FBXL20: variants seen among roughly 807,000 people sequenced by gnomAD.
FBXL20 encodes F-box and leucine rich repeat protein 20, also known as F-box/LRR-repeat protein 20.
FBXL20 carries 11 observed loss-of-function variants against 64.0 expected under a neutral mutation model. That is an observed-to-expected ratio of 0.17 (90% CI 0.11 to 0.28). The LOEUF (loss-of-function observed/expected upper bound fraction) is 0.28, where lower values mean the gene tolerates loss of function less well. Ranked by LOEUF, FBXL20 falls within the 10% of genes least tolerant of loss-of-function variation. FBXL20 has a pLI of 1.00. For missense variants in FBXL20, 303 were observed against 526.2 expected (o/e 0.58, Z 4.15); for synonymous variants, 184 against 189.0 (o/e 0.97, Z 0.22).
intron 1 of FBXL20, among the ~76,000 whole-genome samples, chr17:39,391,259 A>G (rs1005712892): frequency 2.0e-5 from 3 of 151,638 alleles, no homozygotes; most frequent in East Asian, 3.9e-4. Flanking sequence ...CTCAAAAAAA[A>G]AAAAAAAAAA....
At chr17:39,299,819 C>G (rs1251240025) in intron 4 of FBXL20, among the ~76,000 whole-genome samples, 2 of 150,440 alleles carry the variant, frequency 1.3e-5, no homozygotes, top group Non-Finnish European at 3.0e-5. Flanking sequence ...AAAAGCTGGC[C>G]AGGTGCAGTG....
chr17:39,277,749 C>T (rs1176239575), intron 9 of FBXL20, among the ~76,000 whole-genome samples: 10 of 102,738 alleles, frequency 9.7e-5, no homozygotes, highest in Non-Finnish European at 1.5e-4. Context: ...AGCAAAACTC[C>T]GTCTCAAAAA....
At chr17:39,286,499 G>C (rs1456852083) in intron 6 of FBXL20, among the ~76,000 whole-genome samples, 2 of 152,168 alleles carry the variant, frequency 1.3e-5, no homozygotes, top group Non-Finnish European at 2.9e-5. Context: ...ACAAGTGTGA[G>C]CCACTGTGCC....
chr17:39,343,088 A>C (rs572493060), intron 2 of FBXL20, 92 bp downstream of exon 2: 1 of 789,072 alleles, frequency 1.3e-6, no homozygotes, highest in African/African-American at 1.8e-5. Context: ...GATACTATAC[A>C]TATATGAAAA....
intron 2 of FBXL20, among the ~76,000 whole-genome samples, chr17:39,333,987 G>A (rs1326630165): frequency 3.3e-5 from 5 of 152,194 alleles, no homozygotes; most frequent in African/African-American, 1.2e-4. Flanking sequence ...ACAGCTCATT[G>A]AGAACGGGCC....
chr17:39,350,012 C>A (rs999055718), intron 1 of FBXL20, among the ~76,000 whole-genome samples: 1 of 151,710 alleles, frequency 6.6e-6, no homozygotes, highest in Non-Finnish European at 1.5e-5. Flanking sequence ...ATCAAACACT[C>A]AATCTACTAG....
Position 39,285,458 on chromosome 17 carries a change from G to A in FBXL20, c.494+20C>T. The stretch of plus-strand genomic sequence containing the variant: ...GTATTTTTTTTTGATTACTTGACAT[G>A]CTTATTATAAGAAATTTACCTCAGA... On this transcript the variant is annotated intron_variant, in intron 7 of 14. Transcript: ENST00000264658. 1.3e-6 allele frequency: 2 copies of A among 1,499,288 alleles called. No homozygotes were observed. The highest frequency in any genetic ancestry group is 1.8e-6 in the Non-Finnish European group (2 of 1,108,216). 92.9% of individuals were successfully genotyped at this position (1,499,288 alleles called of 1,614,324 possible). A position where few individuals can be genotyped will look rare whatever the true frequency, so the allele number is the denominator to read the frequency against.
At chr17:39,311,670 T>C (rs1370506260) in intron 2 of FBXL20, among the ~76,000 whole-genome samples, 2 of 152,196 alleles carry the variant, frequency 1.3e-5, no homozygotes, top group South Asian at 2.1e-4. Flanking sequence ...AAACATTACA[T>C]TGATGAAATG....
In FBXL20 at chr17:39,255,003, G is replaced by T. The variant is rs1437286661; in HGVS notation, c.*6457C>A. 1 of 152,404 alleles carries T rather than the reference G, an allele frequency of 6.6e-6. No individual in the cohort carries two copies. Among genetic ancestry groups the T allele is most frequent in the Non-Finnish European group, 1.5e-5 (1 of 68,144 alleles). The allele number at this position is 152,404 out of a possible 1,614,324, so 9.4% of individuals were successfully genotyped here. ...GACTTTCTCTTAACATCCCACAGGG[G>T]AGCTTGCCCTAATTCTTTTTCTCCT... On this transcript the variant is annotated 3_prime_UTR_variant, in exon 15 of 15. Coordinates refer to ENST00000264658, the MANE Select transcript of FBXL20 (RefSeq NM_032875.3).
intron 2 of FBXL20, among the ~76,000 whole-genome samples, chr17:39,307,989 A>T (rs1035737117): frequency 6.1e-5 from 9 of 148,290 alleles, no homozygotes; most frequent in Non-Finnish European, 1.3e-4. Flanking sequence ...AAAAAAAAAA[A>T]TTTAAAAGAC....
At chr17:39,344,211 C>T (rs2047610217) in intron 1 of FBXL20, among the ~76,000 whole-genome samples, 1 of 151,504 alleles carries the variant, frequency 6.6e-6, no homozygotes, top group Non-Finnish European at 1.5e-5. Flanking sequence ...ATGAACCAGG[C>T]GTGGTGGTGT....
Position 39,258,972 on chromosome 17 carries a change from G to A in FBXL20, c.*2488C>T, listed in dbSNP as rs912924722. 2.6e-5 allele frequency: 4 copies of A among 152,110 alleles called. No homozygotes were observed. The highest frequency in any genetic ancestry group is 9.7e-5 in the African/African-American group (4 of 41,422). 9.4% of individuals were successfully genotyped at this position (152,110 alleles called of 1,614,324 possible). ...AATCTGAAAGAGAATAAGGGGAAAG[G>A]GGAATGAATAAACAAGTAATCTGCG... On this transcript the variant is annotated 3_prime_UTR_variant, in exon 15 of 15. Transcript: ENST00000264658.
chr17:39,392,914 G>C (rs564175978), intron 1 of FBXL20, among the ~76,000 whole-genome samples: 1 of 151,956 alleles, frequency 6.6e-6, no homozygotes, highest in Admixed American at 6.6e-5. Context: ...CTGAGAGGCT[G>C]AGGTTGAACC....
chr17:39,355,040 T>C (rs1024588846), intron 1 of FBXL20, among the ~76,000 whole-genome samples: 4 of 152,180 alleles, frequency 2.6e-5, no homozygotes, highest in Admixed American at 2.0e-4. Flanking sequence ...CAAGTGATTC[T>C]CCTGCCTCAG....
At chr17:39,402,024 C>T (rs2048253369), upstream of FBXL20, 4 of 654,266 alleles carry the variant, frequency 6.1e-6, no homozygotes, top group Non-Finnish European at 8.7e-6. Context: ...GTCCCCCTCT[C>T]CTCCCTCCGC....
At chr17:39,353,404 CTGTTA>C (rs769545869) in intron 1 of FBXL20, among the ~76,000 whole-genome samples, 5 of 152,048 alleles carry the variant, frequency 3.3e-5, no homozygotes, top group African/African-American at 9.7e-5. Flanking sequence ...TTCCAGTATA[CTGTTA>C]TAATTGTTCT....
At chr17:39,303,846 C>T (rs1955029617) in intron 2 of FBXL20, among the ~76,000 whole-genome samples, 1 of 152,070 alleles carries the variant, frequency 6.6e-6, no homozygotes, top group Non-Finnish European at 1.5e-5. Context: ...GCCACCATAC[C>T]TGGCTACTTT....
intron 6 of FBXL20, among the ~76,000 whole-genome samples, chr17:39,292,728 T>C (rs1292474211): frequency 1.3e-5 from 2 of 152,112 alleles, no homozygotes; most frequent in Non-Finnish European, 2.9e-5. Context: ...TCTATATTTC[T>C]ATTGACTGGC....
intron 1 of FBXL20, among the ~76,000 whole-genome samples, chr17:39,396,325 G>A (rs952718821): frequency 2.0e-5 from 3 of 152,100 alleles, no homozygotes; most frequent in East Asian, 1.9e-4. Flanking sequence ...GCCGGGTGTC[G>A]TGGCTCACAT....
Sources: allele counts gnomAD v4.1 joint callset (sites outside exome capture counted in the v4.1 genomes callset), GRCh38; gene constraint gnomAD v4.1.1; transcripts MANE v1.5; gene names NCBI Gene and HGNC (gene_info 2026-07-23, HGNC 2026-07-21).